DLG2: variants seen among roughly 807,000 people sequenced by gnomAD.
The protein encoded by DLG2 is discs large MAGUK scaffold protein 2.
In DLG2, 45 loss-of-function variants were observed where a neutral mutation model predicts 132.5. The ratio of observed to expected loss-of-function variants is 0.34; its 90% CI spans 0.27 to 0.44. The LOEUF is 0.44. Ranked by LOEUF, DLG2 falls within the 20% of genes least tolerant of loss-of-function variation. The pLI, the probability that DLG2 is intolerant of heterozygous loss-of-function variation, is 1.00. For synonymous variants in DLG2, 424 were observed against 419.6 expected, an observed-to-expected ratio of 1.01 and a Z score of -0.13; for missense variants, 1,045 against 1,196.9, an observed-to-expected ratio of 0.87 and a Z score of 1.87.
intron 7 of DLG2, among the ~76,000 whole-genome samples, chr11:84,317,798 A>C (rs898086120): frequency 9.9e-5 from 15 of 152,242 alleles, no homozygotes; most frequent in Non-Finnish European, 2.1e-4. Flanking sequence ...TCTGAAGAAC[A>C]TAAATTCATT....
chr11:84,529,953 C>T (rs1374982494), intron 7 of DLG2, among the ~76,000 whole-genome samples: 4 of 152,008 alleles, frequency 2.6e-5, no homozygotes, highest in African/African-American at 7.3e-5. Flanking sequence ...ACACAAAGAC[C>T]AAGGGAACAG....
intron 6 of DLG2, among the ~76,000 whole-genome samples, chr11:84,624,934 T>C (rs902140861): frequency 7.3e-6 from 1 of 136,216 alleles, no homozygotes; most frequent in African/African-American, 3.0e-5. Flanking sequence ...CTCAGCTCAC[T>C]GCAAGCTCCG....
At chr11:83,826,203 G>A (rs1487405565) in intron 17 of DLG2, among the ~76,000 whole-genome samples, 1 of 152,186 alleles carries the variant, frequency 6.6e-6, no homozygotes, top group Admixed American at 6.5e-5. Context: ...ATATGCACTA[G>A]GCAATCATCA....
Position 85,187,314 on chromosome 11 carries a change from T to C in DLG2, c.187-32663A>G, listed in dbSNP as rs112933694. ...GAAAACTTTAAAAAATTCTTCAGAATACCTATATGAAAAGCCAAAGGGGGA... is the reference window on the plus strand; with the variant it reads ...GAAAACTTTAAAAAATTCTTCAGAACACCTATATGAAAAGCCAAAGGGGGA... On this transcript the variant is annotated intron_variant, in intron 4 of 27. Coordinates refer to ENST00000376104, the MANE Select transcript of DLG2 (RefSeq NM_001142699.3). Among the ~76,000 whole-genome samples, 780 of 152,208 alleles carry C rather than the reference T, an allele frequency of 5.1e-3. 1 individual carries two copies. Among genetic ancestry groups the C allele is most frequent in the Non-Finnish European group, 8.6e-3 (584 of 67,992 alleles).
At chr11:85,153,554 A>G (rs1317360563) in intron 5 of DLG2, among the ~76,000 whole-genome samples, 3 of 152,214 alleles carry the variant, frequency 2.0e-5, no homozygotes, top group Non-Finnish European at 4.4e-5. Context: ...TTTGCATATT[A>G]GGTTTATTTA....
chr11:83,716,388 A>T (rs2086708728), intron 18 of DLG2, among the ~76,000 whole-genome samples: 1 of 152,154 alleles, frequency 6.6e-6, no homozygotes, highest in Non-Finnish European at 1.5e-5. Flanking sequence ...TTCCTACTTA[A>T]CCAGTGGAAT....
rs539543001 is a variant in DLG2 at position 85,240,308 on chromosome 11, T to C, written c.186+44912A>G. Reference sequence around the variant, plus strand: ...TTGATGTTGACTTTATATATGTTGTTCATTATATATTTGTTAAAGAAATCT... The same window carrying C: ...TTGATGTTGACTTTATATATGTTGTCCATTATATATTTGTTAAAGAAATCT... On this transcript the variant is annotated intron_variant, in intron 4 of 27. Coordinates refer to ENST00000376104, the MANE Select transcript of DLG2 (RefSeq NM_001142699.3). Among the ~76,000 whole-genome samples, 13 of 152,024 alleles carry C rather than the reference T, an allele frequency of 8.6e-5. No homozygotes were observed. The South Asian group carries it at 2.7e-3, about 31-fold the overall frequency.
intron 6 of DLG2, among the ~76,000 whole-genome samples, chr11:84,653,096 AT>A (rs1301704791): frequency 6.6e-6 from 1 of 151,910 alleles, no homozygotes; most frequent in African/African-American, 2.4e-5. Context: ...CGCCCGGATA[AT>A]TTTTGTATTT....
chr11:83,760,026 A>G (rs1033310627), intron 18 of DLG2, among the ~76,000 whole-genome samples: 3 of 152,188 alleles, frequency 2.0e-5, no homozygotes, highest in African/African-American at 7.2e-5. Context: ...AGGACATACT[A>G]ACTTTCCCTC....
intron 18 of DLG2, among the ~76,000 whole-genome samples, chr11:83,721,686 G>A (rs1326500061): frequency 6.6e-6 from 1 of 152,238 alleles, no homozygotes; most frequent in South Asian, 2.1e-4. Context: ...AATGCTGTAA[G>A]TGAAATTTAG....
chr11:85,404,264 C>G (rs1442992953), intron 3 of DLG2, among the ~76,000 whole-genome samples: 2 of 151,884 alleles, frequency 1.3e-5, no homozygotes, highest in East Asian at 3.9e-4. Context: ...AGTAAGGTAA[C>G]TCAAGAAGAG....
intron 15 of DLG2, among the ~76,000 whole-genome samples, chr11:83,907,062 G>C (rs905985983): frequency 1.1e-4 from 17 of 152,156 alleles, no homozygotes; most frequent in African/African-American, 3.9e-4. Flanking sequence ...GTAGGAGATG[G>C]CATTTGAAGA....
intron 7 of DLG2, among the ~76,000 whole-genome samples, chr11:84,483,203 C>T (rs752743692): frequency 4.1e-4 from 63 of 151,994 alleles, no homozygotes; most frequent in Non-Finnish European, 6.2e-4. Flanking sequence ...GAGGCCGAGG[C>T]GGGCTCATCA....
rs529841798 is a variant in DLG2 at position 85,138,120 on chromosome 11, T to C, written c.282+16436A>G. On this transcript the variant is annotated intron_variant, in intron 5 of 27. Transcript: ENST00000376104. ...TTAATTTTTAGTTTTAACCCATCTT[T>C]TAATCATGATATTCAATTGTATGGA... Among the ~76,000 whole-genome samples, 107 of 152,284 alleles carry C rather than the reference T, an allele frequency of 7.0e-4. 1 individual carries two copies. Among genetic ancestry groups the C allele is most frequent in the African/African-American group, 2.5e-3 (103 of 41,580 alleles).
At chr11:85,389,534 A>C (rs897998943) in intron 3 of DLG2, among the ~76,000 whole-genome samples, 2 of 152,124 alleles carry the variant, frequency 1.3e-5, no homozygotes, top group African/African-American at 4.8e-5. Flanking sequence ...TTGCAAAAAG[A>C]GCATCACACA....
intron 18 of DLG2, among the ~76,000 whole-genome samples, chr11:83,735,066 T>G (rs1020538099): frequency 6.6e-6 from 1 of 152,142 alleles, no homozygotes; most frequent in African/African-American, 2.4e-5. Flanking sequence ...GCTTTGTGTA[T>G]GTGTGTCCTC....
chr11:84,418,841 G>A (rs567305693), intron 7 of DLG2, among the ~76,000 whole-genome samples: 145 of 152,138 alleles, frequency 9.5e-4, no homozygotes, highest in African/African-American at 3.4e-3. Flanking sequence ...ACCCTCTTCT[G>A]CCTATCAAAA....
At chr11:83,539,844 T>C (rs2141403268) in intron 20 of DLG2, among the ~76,000 whole-genome samples, 1 of 152,220 alleles carries the variant, frequency 6.6e-6, no homozygotes, top group East Asian at 1.9e-4. Flanking sequence ...AGGTGGAAAA[T>C]TATTCAGGAG....
intron 4 of DLG2, among the ~76,000 whole-genome samples, chr11:85,214,819 T>G (rs946955389): frequency 6.6e-6 from 1 of 152,176 alleles, no homozygotes; most frequent in African/African-American, 2.4e-5. Context: ...GTAATAAATA[T>G]TCAGTTTCTA....
Sources: allele counts gnomAD v4.1 joint callset (sites outside exome capture counted in the v4.1 genomes callset), GRCh38; gene constraint gnomAD v4.1.1; transcripts MANE v1.5; gene names NCBI Gene and HGNC (gene_info 2026-07-23, HGNC 2026-07-21).